The following IL21 variants were observed in gnomAD, a reference collection of about 807,000 sequenced individuals.
IL21 encodes interleukin 21, also known as interleukin-21.
Under a neutral mutation model 18.4 loss-of-function variants are expected in IL21, and 3 were observed. The ratio of observed to expected loss-of-function variants is 0.16; its 90% CI spans 0.07 to 0.42. The LOEUF (loss-of-function observed/expected upper bound fraction) is 0.42. Ranked by LOEUF, IL21 falls within the 10% of genes least tolerant of loss-of-function variation. The pLI, the probability that IL21 is intolerant of heterozygous loss-of-function variation, is 0.99. For missense variants in IL21, 130 were observed against 188.4 expected, an observed-to-expected ratio of 0.69 and a Z score of 1.81; for synonymous variants, 37 against 62.0, an observed-to-expected ratio of 0.60 and a Z score of 1.90.
At chr4:122,613,870 GA>G (rs1157422987) in intron 3 of IL21, among the ~76,000 whole-genome samples, 3 of 152,024 alleles carry the variant, frequency 2.0e-5, no homozygotes, top group Non-Finnish European at 2.9e-5. Flanking sequence ...TGTTTAATTG[GA>G]AAAAACAGGA....
In IL21 at chr4:122,612,011, G is replaced by C. The variant is rs1177661947; in HGVS notation, c.*699C>G. 6.6e-6 allele frequency among the ~76,000 whole-genome samples: 1 copy of C among 151,988 alleles called. No homozygotes were observed. The highest frequency in any genetic ancestry group is 1.5e-5 in the Non-Finnish European group (1 of 67,952). On this transcript the variant is annotated 3_prime_UTR_variant, in exon 5 of 5. Coordinates refer to ENST00000648588, the MANE Select transcript of IL21 (RefSeq NM_021803.4). ...TAAAATGTTAGCTTATAAGGGGACT[G>C]GGGGCTGGAGGAAGGTAATATTAAA...
At chr4:122,618,758 A>G (rs1480076178) in intron 2 of IL21, among the ~76,000 whole-genome samples, 1 of 139,302 alleles carries the variant, frequency 7.2e-6, no homozygotes, top group Admixed American at 8.3e-5. Context: ...GTGAGCTGAG[A>G]TCGCACCACT....
rs1324057952 is a variant in IL21 at position 122,610,238 on chromosome 4, GA to G, written c.*2471del. Among the ~76,000 whole-genome samples the G allele has an allele frequency of 6.6e-6, 1 of 152,028 alleles. No individual in the cohort carries two copies. Among genetic ancestry groups the G allele is most frequent in the Non-Finnish European group, 1.5e-5 (1 of 67,990 alleles). ...ATAGTTCATATTAGCTAAATTCTCA[GA>G]TGCATATGTAAATACAACAGAGCAA... On this transcript the variant is annotated 3_prime_UTR_variant, in exon 5 of 5. Transcript: ENST00000648588.
At chr4:122,615,981 C>G (rs1799332027) in intron 2 of IL21, 144 bp from the exon 3 acceptor site, 3 of 672,052 alleles carry the variant, frequency 4.5e-6, no homozygotes, top group Non-Finnish European at 7.3e-6. Context: ...ATTTCACCTC[C>G]TACTTAATCT....
rs1237614388 is a variant in IL21, at chr4:122,610,641, G to A, written c.*2069C>T. Among the ~76,000 whole-genome samples the A allele has an allele frequency of 6.6e-6, 1 of 152,178 alleles. No individual in the cohort carries two copies. The highest frequency in any genetic ancestry group is 1.5e-5 in the Non-Finnish European group (1 of 68,014). On this transcript the variant is annotated 3_prime_UTR_variant, in exon 5 of 5. Coordinates refer to ENST00000648588, the MANE Select transcript of IL21 (RefSeq NM_021803.4). ...CCAGCACTCTCATTCTACAGATAAA[G>A]AAATGGAAACCCAAAGAGTTTAAAC...
rs77527442 is a variant in IL21, at chr4:122,614,102, G to A, written c.361-1174C>T. ...TTTCACTAAAAGATAGTAGATATACGTTCTAATTCTCATTCTGACACTATT... is the reference window on the plus strand; with the variant it reads ...TTTCACTAAAAGATAGTAGATATACATTCTAATTCTCATTCTGACACTATT... On this transcript the variant is annotated intron_variant, in intron 3 of 4. Transcript: ENST00000648588. Among the ~76,000 whole-genome samples, 382 of 152,252 alleles carry A rather than the reference G, an allele frequency of 2.5e-3. 3 individuals are homozygous for A. The highest frequency in any genetic ancestry group is 0.02 in the Admixed American group (313 of 15,296).
intron 3 of IL21, among the ~76,000 whole-genome samples, chr4:122,613,717 A>G (rs550803009): frequency 1.3e-5 from 2 of 152,090 alleles, no homozygotes; most frequent in East Asian, 3.9e-4. Context: ...TTTTTCATAT[A>G]TATCTTTGCT....
chr4:122,620,647 G>T (rs557697762), intron 2 of IL21, 54 bp downstream of exon 2: 26 of 1,478,128 alleles, frequency 1.8e-5, no homozygotes, highest in Admixed American at 1.6e-4. Context: ...TTTCTTATTG[G>T]ATTTAAAAAC....
intron 3 of IL21, among the ~76,000 whole-genome samples, chr4:122,615,454 G>C (rs1433212115): frequency 6.6e-6 from 1 of 152,004 alleles, no homozygotes; most frequent in East Asian, 1.9e-4. Flanking sequence ...CGTGAAACCG[G>C]GAGGTGGATC....
At chr4:122,615,381 C>T (rs928826335) in intron 3 of IL21, among the ~76,000 whole-genome samples, 1 of 151,994 alleles carries the variant, frequency 6.6e-6, no homozygotes, top group Non-Finnish European at 1.5e-5. Context: ...CAAAATTAGC[C>T]GGGCATGGTG....
chr4:122,617,244 A>G (rs1191650921), intron 2 of IL21, among the ~76,000 whole-genome samples: 1 of 152,240 alleles, frequency 6.6e-6, no homozygotes, highest in Non-Finnish European at 1.5e-5. Flanking sequence ...GAAACTATTT[A>G]TAAATGTTCA....
chr4:122,611,147 C>A lies in IL21; in HGVS notation c.*1563G>T, dbSNP rs1460859332. On this transcript the variant is annotated 3_prime_UTR_variant, in exon 5 of 5. Coordinates refer to ENST00000648588, the MANE Select transcript of IL21 (RefSeq NM_021803.4). Reference sequence around the variant, plus strand: ...TTGTGCCTGCTTCCACATTTTGTCACAACAACCCGGGCTGGCGTATTTGAA... The same window carrying A: ...TTGTGCCTGCTTCCACATTTTGTCAAAACAACCCGGGCTGGCGTATTTGAA... 6.6e-6 allele frequency among the ~76,000 whole-genome samples: 1 copy of A among 152,168 alleles called. No homozygotes were observed. The highest frequency in any genetic ancestry group is 1.9e-4 in the East Asian group (1 of 5,200).
At chr4:122,615,326 C>G (rs1799321457) in intron 3 of IL21, among the ~76,000 whole-genome samples, 1 of 152,182 alleles carries the variant, frequency 6.6e-6, no homozygotes, top group South Asian at 2.1e-4. Context: ...TCGAGACCAT[C>G]CTGGCTAACA....
At position 122,612,055 on chromosome 4, in the gene IL21, A is replaced by G. The variant is rs1452812619; in HGVS notation, c.*655T>C. The stretch of plus-strand genomic sequence containing the variant: ...TATTAAATCCACTTCTTAATACTCT[A>G]TTGCCACTGACTAAGAGTCTATTCC... On this transcript the variant is annotated 3_prime_UTR_variant, in exon 5 of 5. Coordinates refer to ENST00000648588, the MANE Select transcript of IL21 (RefSeq NM_021803.4). 6.6e-5 allele frequency among the ~76,000 whole-genome samples: 10 copies of G among 151,994 alleles called. No individual in the cohort carries two copies. The highest frequency in any genetic ancestry group is 2.4e-4 in the African/African-American group (10 of 41,380).
chr4:122,612,946 A>C lies in IL21; in HGVS notation c.361-18T>G, dbSNP rs1799280631. ...GGGCATGTCTAGAAATCAATGAAAAAGTAACAGTCTTCTTTAAAATTTTTT... is the reference window on the plus strand; with the variant it reads ...GGGCATGTCTAGAAATCAATGAAAACGTAACAGTCTTCTTTAAAATTTTTT... On this transcript the variant is annotated intron_variant, in intron 3 of 4. Transcript: ENST00000648588. 6.8e-7 allele frequency: 1 copy of C among 1,471,146 alleles called. No homozygotes were observed. The highest frequency in any genetic ancestry group is 9.3e-7 in the Non-Finnish European group (1 of 1,079,238). 91.1% of individuals were successfully genotyped at this position (1,471,146 alleles called of 1,614,324 possible). A position where few individuals can be genotyped will look rare whatever the true frequency, so the allele number is the denominator to read the frequency against.
intron 2 of IL21, among the ~76,000 whole-genome samples, chr4:122,618,011 T>A (rs1360888024): frequency 6.6e-6 from 1 of 152,206 alleles, no homozygotes; most frequent in Non-Finnish European, 1.5e-5. Context: ...TCTGGAAGCA[T>A]GAACATTGCT....
Position 122,613,920 on chromosome 4 carries a change from A to C in IL21, c.361-992T>G, listed in dbSNP as rs1006855513. On this transcript the variant is annotated intron_variant, in intron 3 of 4. Coordinates refer to ENST00000648588, the MANE Select transcript of IL21 (RefSeq NM_021803.4). ...ACTCGCATTTATGTGATTACTAGGG[A>C]GATTGAACAGTTTTTCATATATGGA... is the stretch of plus-strand genomic sequence containing the variant. 2.6e-5 allele frequency among the ~76,000 whole-genome samples: 4 copies of C among 152,166 alleles called. No individual in the cohort carries two copies. In the South Asian group the frequency reaches 8.3e-4, roughly 32 times the overall value.
Position 122,612,616 on chromosome 4 carries a change from T to C in IL21, c.*94A>G. 1 of 904,660 alleles carries C rather than the reference T, an allele frequency of 1.1e-6. No individual in the cohort carries two copies. Among genetic ancestry groups the C allele is most frequent in the Non-Finnish European group, 1.8e-6 (1 of 557,338 alleles). 56.0% of individuals were successfully genotyped at this position (904,660 alleles called of 1,614,324 possible). ...CTTATGAGTTTTTTTTTCCCATCGC[T>C]AATATATTGTACTCCTCCACTTGGA... On this transcript the variant is annotated 3_prime_UTR_variant, in exon 5 of 5. Transcript: ENST00000648588.
chr4:122,618,699 G>A (rs13137072), intron 2 of IL21, among the ~76,000 whole-genome samples: 17,791 of 151,316 alleles, frequency 0.12, 1,205 homozygotes, highest in Non-Finnish European at 0.16. Flanking sequence ...CCAGCTACTC[G>A]GGAGGCTGAG....
Sources: gnomAD v4.1 joint callset for allele counts (sites outside exome capture counted in the v4.1 genomes callset) on GRCh38, gnomAD v4.1.1 for gene constraint, MANE v1.5 for transcripts, NCBI Gene and HGNC (gene_info 2026-07-23, HGNC 2026-07-21) for gene names.